Variants in CTNNA3 observed in about 807,000 individuals in gnomAD.
CTNNA3 encodes catenin alpha-3.
A neutral mutation model predicts 95.7 loss-of-function variants in CTNNA3; 76 were observed. The ratio of observed to expected loss-of-function variants is 0.79; its 90% CI spans 0.66 to 0.96. The LOEUF is 0.96. Among genes scored for constraint, CTNNA3 ranks in the 40% least tolerant of loss-of-function variants. The probability of loss-of-function intolerance (pLI) is 0.00; values close to 1 mark genes in which losing one functional copy is unlikely to be tolerated. For synonymous variants in CTNNA3, 431 were observed against 374.4 expected (o/e 1.15, Z -1.74); for missense variants, 1,191 against 1,089.8 (o/e 1.09, Z -1.31).
chr10:67,223,576 T>C (rs1024140934), intron 5 of CTNNA3, among the ~76,000 whole-genome samples: 1 of 152,186 alleles, frequency 6.6e-6, no homozygotes, highest in Non-Finnish European at 1.5e-5. Context: ...AGATGGGATT[T>C]AAAAAGACCT....
intron 5 of CTNNA3, among the ~76,000 whole-genome samples, chr10:67,286,304 G>T (rs2132455346): frequency 6.6e-6 from 1 of 152,286 alleles, no homozygotes; most frequent in Admixed American, 6.5e-5. Context: ...CATTTTAAAT[G>T]ACCATGTGTG....
intron 15 of CTNNA3, 46 bp downstream of exon 15, chr10:66,069,262 A>G (rs2080377805): frequency 6.4e-7 from 1 of 1,571,700 alleles, no homozygotes; most frequent in African/African-American, 1.4e-5. Flanking sequence ...TATGACTAAT[A>G]TTTTCAGCCA....
chr10:66,324,790 AGT>A (rs1169578712), intron 12 of CTNNA3, among the ~76,000 whole-genome samples: 1 of 151,978 alleles, frequency 6.6e-6, no homozygotes, highest in African/African-American at 2.4e-5. Flanking sequence ...TGCTTTAATT[AGT>A]TTATCATCAT....
intron 1 of CTNNA3, among the ~76,000 whole-genome samples, chr10:67,720,340 G>A (rs115529870): frequency 0.015 from 2,180 of 149,448 alleles, 52 homozygotes; most frequent in African/African-American, 0.05. Context: ...TAATTGAGGC[G>A]TTTAGCCCAT....
rs1840537388 is a variant in CTNNA3 at position 67,676,513 on chromosome 10, A to G, written c.-6+19487T>C. ...ACCACTTCCCAATTGCCAGACTGGC[A>G]GGGAATCCAGTATCTCTCTTGTCTC... On this transcript the variant is annotated intron_variant, in intron 1 of 17. Transcript: ENST00000433211. Among the ~76,000 whole-genome samples the G allele has an allele frequency of 2.0e-5, 3 of 152,192 alleles. No homozygotes were observed. In the South Asian group the frequency reaches 6.2e-4, roughly 31 times the overall value.
In CTNNA3 at chr10:65,930,113, C is replaced by T. The variant is rs377432890; in HGVS notation, c.2401-9496G>A. ...GTACTTACACACACATAAGTATGTA[C>T]ACACACTTCACACACTTTTCAAAAT... On this transcript the variant is annotated intron_variant, in intron 17 of 17. Transcript: ENST00000433211. Among the ~76,000 whole-genome samples the T allele has an allele frequency of 8.4e-5, 12 of 142,134 alleles. No homozygotes were observed. The East Asian group carries it at 2.5e-3, about 29-fold the overall frequency. 93.2% of individuals were successfully genotyped at this position (142,134 alleles called of 152,430 possible).
intron 11 of CTNNA3, among the ~76,000 whole-genome samples, chr10:66,406,466 A>G (rs562566099): frequency 1.3e-5 from 2 of 152,206 alleles, no homozygotes; most frequent in Non-Finnish European, 2.9e-5. Context: ...CAAAATGTAT[A>G]TGAATTTGTT....
At chr10:67,156,243 A>G (rs1043992907) in intron 7 of CTNNA3, among the ~76,000 whole-genome samples, 1 of 151,796 alleles carries the variant, frequency 6.6e-6, no homozygotes, top group African/African-American at 2.4e-5. Context: ...CTTAGTTTCA[A>G]TGATTTTTTT....
chr10:67,188,612 C>T (rs1862974303), intron 6 of CTNNA3, among the ~76,000 whole-genome samples: 1 of 152,054 alleles, frequency 6.6e-6, no homozygotes, highest in African/African-American at 2.4e-5. Context: ...GAAAATAGAA[C>T]TATCATATAA....
chr10:66,776,433 T>G (rs1259149683), intron 7 of CTNNA3, among the ~76,000 whole-genome samples: 1 of 152,154 alleles, frequency 6.6e-6, no homozygotes, highest in African/African-American at 2.4e-5. Flanking sequence ...AAAAGGACAC[T>G]GAGGCCAAGT....
chr10:66,803,308 C>T (rs1841503103), intron 7 of CTNNA3, among the ~76,000 whole-genome samples: 1 of 151,940 alleles, frequency 6.6e-6, no homozygotes, highest in Non-Finnish European at 1.5e-5. Flanking sequence ...CTTACATTAG[C>T]ACATGAATTC....
chr10:67,220,071 AG>A (rs1446542414), intron 5 of CTNNA3, among the ~76,000 whole-genome samples: 36 of 152,222 alleles, frequency 2.4e-4, no homozygotes, highest in Non-Finnish European at 1.2e-4. Flanking sequence ...ACAATGACAC[AG>A]TTAATAAGTA....
intron 14 of CTNNA3, among the ~76,000 whole-genome samples, chr10:66,088,005 A>G (rs2081054987): frequency 6.6e-6 from 1 of 152,028 alleles, no homozygotes. Context: ...TATTAATGTA[A>G]CTTTTTAAAG....
rs541365471 is a variant in CTNNA3 at position 66,009,503 on chromosome 10, TGTTTACGTTTTA to T, written c.2160-20718_2160-20707del. On this transcript the variant is annotated intron_variant, in intron 15 of 17. Transcript: ENST00000433211. The stretch of plus-strand genomic sequence containing the variant: ...ACATTAAATCCTGGGAAGGCTACAA[TGTTTACGTTTTA>T]GATAACAAATTTAAAGAAACTTTCT... Among the ~76,000 whole-genome samples, 681 of 152,266 alleles carry T rather than the reference TGTTTACGTTTTA, an allele frequency of 4.5e-3. 6 individuals are homozygous for T. The highest frequency in any genetic ancestry group is 0.016 in the African/African-American group (647 of 41,548).
chr10:67,032,782 A>T (rs1853813577), intron 7 of CTNNA3, among the ~76,000 whole-genome samples: 1 of 151,996 alleles, frequency 6.6e-6, no homozygotes. Context: ...TCCTTTTTTT[A>T]TGTGTTCTCA....
At chr10:65,921,563 C>T (rs553845341) in intron 17 of CTNNA3, among the ~76,000 whole-genome samples, 7 of 152,346 alleles carry the variant, frequency 4.6e-5, no homozygotes, top group Non-Finnish European at 8.8e-5. Flanking sequence ...ACCAGACATA[C>T]GCCTTACATG....
intron 7 of CTNNA3, among the ~76,000 whole-genome samples, chr10:66,845,703 CAAAAAAAA>C (rs61085873): frequency 0.035 from 829 of 23,514 alleles, 31 homozygotes; most frequent in African/African-American, 0.08. Flanking sequence ...AACTCTGTCT[CAAAAAAAA>C]AAAAAAAAAA....
At chr10:66,519,310 T>G (rs1289319942) in intron 11 of CTNNA3, among the ~76,000 whole-genome samples, 1 of 151,972 alleles carries the variant, frequency 6.6e-6, no homozygotes, top group Non-Finnish European at 1.5e-5. Context: ...TAATCTGGGC[T>G]TCACATGGAA....
intron 13 of CTNNA3, among the ~76,000 whole-genome samples, chr10:66,163,311 A>G (rs1347168376): frequency 6.7e-6 from 1 of 150,074 alleles, no homozygotes; most frequent in Non-Finnish European, 1.5e-5. Context: ...TCCTCTGGCC[A>G]CCCTCCCAAT....
Sources: allele counts gnomAD v4.1 joint callset (sites outside exome capture counted in the v4.1 genomes callset), GRCh38; gene constraint gnomAD v4.1.1; transcripts MANE v1.5; gene names NCBI Gene and HGNC (gene_info 2026-07-23, HGNC 2026-07-21).